UBTD2: variants seen among roughly 807,000 people sequenced by gnomAD.
UBTD2 encodes the protein ubiquitin domain-containing protein 2.
In UBTD2, 9 loss-of-function variants were observed where a neutral mutation model predicts 19.8. The observed-to-expected ratio is 0.46, with a 90% confidence interval of 0.27 to 0.79. The LOEUF is 0.79. UBTD2 is among the 30% of genes least tolerant of loss of function. UBTD2 has a pLI of 0.14. For synonymous variants in UBTD2, 98 were observed against 103.9 expected, an observed-to-expected ratio of 0.94 and a Z score of 0.35; for missense variants, 250 against 300.4, an observed-to-expected ratio of 0.83 and a Z score of 1.24.
chr5:172,220,509 C>G (rs372865979), intron 2 of UBTD2, among the ~76,000 whole-genome samples: 1 of 152,152 alleles, frequency 6.6e-6, no homozygotes, highest in African/African-American at 2.4e-5. Context: ...GTGGCACATG[C>G]CTGTAATCCC....
chr5:172,278,832 T>G (rs1218442889), intron 1 of UBTD2, among the ~76,000 whole-genome samples: 1 of 152,168 alleles, frequency 6.6e-6, no homozygotes, highest in African/African-American at 2.4e-5. Flanking sequence ...TGGAGTGCAA[T>G]GGCGTGATCC....
At chr5:172,225,933 C>CTTTT (rs57155195) in intron 2 of UBTD2, among the ~76,000 whole-genome samples, 1,239 of 107,344 alleles carry the variant, frequency 0.012, 11 homozygotes, top group Non-Finnish European at 0.014. Context: ...GGCTTAAACT[C>CTTTT]TTTTTTTTTT....
At chr5:172,226,884 T>C (rs1771777091) in intron 2 of UBTD2, among the ~76,000 whole-genome samples, 1 of 152,202 alleles carries the variant, frequency 6.6e-6, no homozygotes, top group Admixed American at 6.5e-5. Flanking sequence ...AAGTCTATCA[T>C]CTCTTTTAGT....
intron 1 of UBTD2, among the ~76,000 whole-genome samples, chr5:172,251,036 C>T (rs367944302): frequency 1.3e-4 from 19 of 151,238 alleles, no homozygotes; most frequent in African/African-American, 4.6e-4. Context: ...CACTAAAGGC[C>T]GGGCACGGTA....
At chr5:172,244,784 A>G (rs1284805702) in intron 1 of UBTD2, among the ~76,000 whole-genome samples, 1 of 151,888 alleles carries the variant, frequency 6.6e-6, no homozygotes, top group African/African-American at 2.4e-5. Context: ...GATGGAGTGC[A>G]ATGGTGCGAT....
intron 1 of UBTD2, among the ~76,000 whole-genome samples, chr5:172,250,264 T>C (rs965775014): frequency 1.3e-5 from 2 of 152,074 alleles, no homozygotes; most frequent in Non-Finnish European, 2.9e-5. Context: ...ATAAATTACA[T>C]AGGCTCAAAT....
intron 1 of UBTD2, among the ~76,000 whole-genome samples, chr5:172,258,278 T>G (rs949840200): frequency 6.6e-6 from 1 of 152,224 alleles, no homozygotes; most frequent in African/African-American, 2.4e-5. Context: ...CTGCTTACTT[T>G]GTTGAAGATC....
chr5:172,246,004 C>T (rs1754873020), intron 1 of UBTD2, among the ~76,000 whole-genome samples: 1 of 152,230 alleles, frequency 6.6e-6, no homozygotes, highest in Non-Finnish European at 1.5e-5. Context: ...ACACAAAGAG[C>T]CAGAAATATG....
At chr5:172,215,981 TG>T (rs1460105465) in intron 2 of UBTD2, among the ~76,000 whole-genome samples, 2 of 152,044 alleles carry the variant, frequency 1.3e-5, no homozygotes, top group East Asian at 3.8e-4. Context: ...CTGGCCAACA[TG>T]GCGAAACCCC....
intron 1 of UBTD2, among the ~76,000 whole-genome samples, chr5:172,274,104 T>C (rs1755557530): frequency 6.6e-6 from 1 of 151,464 alleles, no homozygotes; most frequent in African/African-American, 2.4e-5. Context: ...AGACTAAATC[T>C]TCAGTCCTCC....
rs1402708202 is a variant in UBTD2 at position 172,210,427 on chromosome 5, T to G, written c.*1403A>C. On this transcript the variant is annotated 3_prime_UTR_variant, in exon 3 of 3. Coordinates refer to ENST00000393792, the MANE Select transcript of UBTD2 (RefSeq NM_152277.3). ...ATCTCATGGATTCTCAGGGGCACAG[T>G]GGTCACATGTTAGCCCCCCTTCTCA... The G allele has an allele frequency of 1.3e-5, 2 of 152,146 alleles. No individual in the cohort carries two copies. Among genetic ancestry groups the G allele is most frequent in the Admixed American group, 6.5e-5 (1 of 15,268 alleles). 9.4% of individuals were successfully genotyped at this position (152,146 alleles called of 1,614,324 possible). A position where few individuals can be genotyped will look rare whatever the true frequency, so the allele number is the denominator to read the frequency against.
intron 2 of UBTD2, among the ~76,000 whole-genome samples, chr5:172,213,796 T>C (rs1279698523): frequency 6.6e-6 from 1 of 152,158 alleles, no homozygotes; most frequent in East Asian, 1.9e-4. Context: ...TTTTTCTTTT[T>C]CTTTTTTGAG....
intron 1 of UBTD2, among the ~76,000 whole-genome samples, chr5:172,242,584 A>G (rs1422070052): frequency 2.6e-5 from 4 of 152,208 alleles, no homozygotes; most frequent in Non-Finnish European, 5.9e-5. Flanking sequence ...AAACATTTTG[A>G]GTAAGAATTC....
intron 1 of UBTD2, among the ~76,000 whole-genome samples, chr5:172,251,632 A>C (rs1314708904): frequency 2.7e-5 from 4 of 150,922 alleles, no homozygotes; most frequent in African/African-American, 9.8e-5. Context: ...CAATGAAAAA[A>C]AAAAAAAAAT....
At chr5:172,241,795 A>C (rs1476214856) in intron 1 of UBTD2, among the ~76,000 whole-genome samples, 1 of 152,112 alleles carries the variant, frequency 6.6e-6, no homozygotes, top group East Asian at 1.9e-4. Flanking sequence ...TGCAAGGATC[A>C]CCTGAGCCCA....
At chr5:172,241,795 A>ACCTG (rs1772133756) in intron 1 of UBTD2, among the ~76,000 whole-genome samples, 1 of 152,112 alleles carries the variant, frequency 6.6e-6, no homozygotes, top group South Asian at 2.1e-4. Context: ...TGCAAGGATC[A>ACCTG]CCTGAGCCCA....
At chr5:172,271,971 T>C (rs533539368) in intron 1 of UBTD2, among the ~76,000 whole-genome samples, 2 of 152,330 alleles carry the variant, frequency 1.3e-5, no homozygotes, top group Admixed American at 6.5e-5. Flanking sequence ...TTAGTCAAGC[T>C]TTGAGCAAAT....
chr5:172,247,417 C>T (rs982423966), intron 1 of UBTD2, among the ~76,000 whole-genome samples: 2 of 151,822 alleles, frequency 1.3e-5, no homozygotes, highest in Non-Finnish European at 2.9e-5. Flanking sequence ...TCTGGGAGAC[C>T]GAGGTGGGAA....
At chr5:172,257,208 C>A (rs192732717) in intron 1 of UBTD2, among the ~76,000 whole-genome samples, 2 of 152,168 alleles carry the variant, frequency 1.3e-5, no homozygotes, top group African/African-American at 4.8e-5. Flanking sequence ...CAATGTTTAG[C>A]TCCCACTTAT....
Sources: gnomAD v4.1 joint callset for allele counts (sites outside exome capture counted in the v4.1 genomes callset) on GRCh38, gnomAD v4.1.1 for gene constraint, MANE v1.5 for transcripts, NCBI Gene and HGNC (gene_info 2026-07-23, HGNC 2026-07-21) for gene names.